TTC7A: variants seen among roughly 807,000 people sequenced by gnomAD.
TTC7A encodes the protein tetratricopeptide repeat protein 7A.
A neutral mutation model predicts 103.7 loss-of-function variants in TTC7A; 110 were observed. The ratio of observed to expected loss-of-function variants is 1.06; its 90% CI spans 0.91 to 1.24. The LOEUF (loss-of-function observed/expected upper bound fraction) is 1.24, where lower values mean the gene tolerates loss of function less well. Among genes scored for constraint, TTC7A ranks in the 50% most tolerant of loss-of-function variants. The probability of loss-of-function intolerance (pLI) is 0.00; values close to 1 mark genes in which losing one functional copy is unlikely to be tolerated. For synonymous variants in TTC7A, 521 were observed against 467.9 expected (o/e 1.11, Z -1.47); for missense variants, 1,340 against 1,116.3 (o/e 1.20, Z -2.86).
chr2:47,002,833 C>G (rs1223182697), intron 8 of TTC7A, among the ~76,000 whole-genome samples: 1 of 152,222 alleles, frequency 6.6e-6, no homozygotes, highest in African/African-American at 2.4e-5. Context: ...GCCCCAAAGC[C>G]ATAGTAACCA....
chr2:46,945,869 G>A (rs1489198527), intron 1 of TTC7A, among the ~76,000 whole-genome samples: 1 of 152,188 alleles, frequency 6.6e-6, no homozygotes, highest in African/African-American at 2.4e-5. Flanking sequence ...GCAGGTCCCA[G>A]CCTTCTATAG....
intron 17 of TTC7A, among the ~76,000 whole-genome samples, chr2:47,051,102 A>G (rs982366382): frequency 1.1e-4 from 17 of 152,246 alleles, no homozygotes; most frequent in Admixed American, 8.5e-4. Context: ...AGTCCTTCAC[A>G]GCACAGCCTT....
At chr2:46,939,541 T>G (rs530181764), upstream of TTC7A, among the ~76,000 whole-genome samples, 6 of 152,192 alleles carry the variant, frequency 3.9e-5, no homozygotes, top group Non-Finnish European at 7.4e-5. Flanking sequence ...CAAGCAGTGA[T>G]TCCCTCTACA....
At chr2:47,011,087 A>T (rs907190362) in intron 10 of TTC7A, among the ~76,000 whole-genome samples, 2 of 152,176 alleles carry the variant, frequency 1.3e-5, no homozygotes, top group African/African-American at 2.4e-5. Flanking sequence ...TTTTCATGTT[A>T]GCTGTCATCA....
intron 15 of TTC7A, among the ~76,000 whole-genome samples, chr2:47,032,697 G>A (rs1680686393): frequency 6.6e-6 from 1 of 151,724 alleles, no homozygotes; most frequent in African/African-American, 2.4e-5. Flanking sequence ...AGCAGCAGTA[G>A]GTTCTTCATC....
At position 47,007,355 on chromosome 2, in the gene TTC7A, T is replaced by C. The variant is rs904170577; in HGVS notation, c.1287+631T>C. Among the ~76,000 whole-genome samples the C allele has an allele frequency of 2.0e-5, 3 of 152,200 alleles. No individual in the cohort carries two copies. The highest frequency in any genetic ancestry group is 7.2e-5 in the African/African-American group (3 of 41,446). On this transcript the variant is annotated intron_variant, in intron 10 of 19. Transcript: ENST00000319190. This position sits in a 1 kb window ranked among gnomAD's most constrained non-coding sequence, Gnocchi z 4.9. The stretch of plus-strand genomic sequence containing the variant: ...CTGCTTTTTGCTCCGATCAGAATTA[T>C]ACTTACATAAGCCTCTATTTTAAGC...
chr2:46,991,179 G>A (rs1359849917), intron 5 of TTC7A, among the ~76,000 whole-genome samples: 16 of 151,936 alleles, frequency 1.1e-4, no homozygotes, highest in Non-Finnish European at 1.6e-4. Context: ...GCCTCCCAAA[G>A]TGCTGGGATT....
rs866929882 is a variant in TTC7A at position 47,006,871 on chromosome 2, G to A, written c.1287+147G>A. 25 of 672,298 alleles carry A rather than the reference G, an allele frequency of 3.7e-5. 1 individual carries two copies. The highest frequency in any genetic ancestry group is 3.6e-4 in the African/African-American group (20 of 56,212). The allele number at this position is 672,298 out of a possible 1,614,324, so 41.6% of individuals were successfully genotyped here. On this transcript the variant is annotated intron_variant, in intron 10 of 19. Coordinates refer to ENST00000319190, the MANE Select transcript of TTC7A (RefSeq NM_020458.4). Reference sequence around the variant, plus strand: ...CCGGGAGAGTGAGGGGCGTGGGGTGGGCCACACAGACACCTTGTGTGAATT... The same window carrying A: ...CCGGGAGAGTGAGGGGCGTGGGGTGAGCCACACAGACACCTTGTGTGAATT...
At chr2:47,071,366 C>T (rs1244791102) in intron 19 of TTC7A, among the ~76,000 whole-genome samples, 1 of 152,120 alleles carries the variant, frequency 6.6e-6, no homozygotes, top group Non-Finnish European at 1.5e-5. Context: ...AGCCTACAGT[C>T]CTCCCCCACA....
chr2:46,975,804 T>G (rs1212717418), intron 4 of TTC7A, among the ~76,000 whole-genome samples: 1 of 152,206 alleles, frequency 6.6e-6, no homozygotes, highest in Non-Finnish European at 1.5e-5. Flanking sequence ...TGGCACGATC[T>G]CAGCTCACTG....
intron 2 of TTC7A, among the ~76,000 whole-genome samples, chr2:46,955,765 C>T (rs1558505423): frequency 6.6e-6 from 1 of 152,208 alleles, no homozygotes; most frequent in Non-Finnish European, 1.5e-5. Context: ...GGACCCCAGA[C>T]TCTTACCTCC....
intron 5 of TTC7A, among the ~76,000 whole-genome samples, chr2:46,980,936 A>G (rs934816472): frequency 6.6e-6 from 1 of 152,232 alleles, no homozygotes; most frequent in African/African-American, 2.4e-5. Flanking sequence ...GAAGAGGCGC[A>G]TAGGGCTAGG....
intron 2 of TTC7A, among the ~76,000 whole-genome samples, chr2:46,929,181 C>G (rs937277427): frequency 6.6e-6 from 1 of 151,768 alleles, no homozygotes; most frequent in Non-Finnish European, 1.5e-5. Flanking sequence ...GAAAACAAAA[C>G]AAAACAAAAA....
intron 18 of TTC7A, among the ~76,000 whole-genome samples, chr2:47,052,795 G>A (rs914819977): frequency 6.6e-6 from 1 of 152,164 alleles, no homozygotes; most frequent in African/African-American, 2.4e-5. Context: ...AGCTGCCCAC[G>A]TGAAGTTCTG....
At chr2:46,986,249 G>A (rs953436146) in intron 5 of TTC7A, among the ~76,000 whole-genome samples, 6 of 152,178 alleles carry the variant, frequency 3.9e-5, no homozygotes, top group Non-Finnish European at 2.9e-5. Flanking sequence ...TAGCCTCTTG[G>A]GTTGTTTGGG....
intron 14 of TTC7A, among the ~76,000 whole-genome samples, chr2:47,026,671 C>T (rs903600080): frequency 6.9e-6 from 1 of 145,402 alleles, no homozygotes; most frequent in Non-Finnish European, 1.5e-5. Flanking sequence ...AGGTTCTGTC[C>T]TATTCCTTAG....
intron 8 of TTC7A, chr2:46,999,809 C>T (rs1329103524): frequency 1.0e-6 from 1 of 985,258 alleles, no homozygotes; most frequent in Non-Finnish European, 1.2e-6. Context: ...CCCTTGGATC[C>T]CTGTTTCATT....
rs1685071787 is a variant in TTC7A, at chr2:47,074,592, ATCCTGTGG to A, written c.*671_*678del. 1 of 152,850 alleles carries A rather than the reference ATCCTGTGG, an allele frequency of 6.5e-6. No homozygotes were observed. Among genetic ancestry groups the A allele is most frequent in the African/African-American group, 2.4e-5 (1 of 41,332 alleles). 9.5% of individuals were successfully genotyped at this position (152,850 alleles called of 1,614,324 possible). ...CCCAAGCAGCCTCCGTAGGCTTTAG[ATCCTGTGG>A]TTGCTAGATCCAGTCCTTTCTAATA... On this transcript the variant is annotated 3_prime_UTR_variant, in exon 20 of 20. Transcript: ENST00000319190.
rs1685152926 is a variant in TTC7A, at chr2:47,075,578, T to C, written c.*1655T>C. ...GCAGGCTTGTCTGAAGCAGCATGTA[T>C]ATTCACTGGGCATGTAGCTCCCACA... On this transcript the variant is annotated 3_prime_UTR_variant, in exon 20 of 20. Coordinates refer to ENST00000319190, the MANE Select transcript of TTC7A (RefSeq NM_020458.4). 6.6e-6 allele frequency: 1 copy of C among 152,202 alleles called. No homozygotes were observed. Among genetic ancestry groups the C allele is most frequent in the Non-Finnish European group, 1.5e-5 (1 of 68,046 alleles). The allele number at this position is 152,202 out of a possible 1,614,324, so 9.4% of individuals were successfully genotyped here. A position where few individuals can be genotyped will look rare whatever the true frequency, so the allele number is the denominator to read the frequency against.
Sources: allele counts gnomAD v4.1 joint callset (sites outside exome capture counted in the v4.1 genomes callset), GRCh38; gene constraint gnomAD v4.1.1; non-coding constraint Gnocchi (gnomAD v3.1); transcripts MANE v1.5; gene names NCBI Gene and HGNC (gene_info 2026-07-23, HGNC 2026-07-21).